Variants in ATP2C2 observed in about 807,000 individuals in gnomAD.
The protein encoded by ATP2C2 is calcium-transporting ATPase type 2C member 2.
A neutral mutation model predicts 110.8 loss-of-function variants in ATP2C2; 171 were observed. The ratio of observed to expected loss-of-function variants is 1.54; its 90% CI spans 1.36 to 1.75. ATP2C2 has a LOEUF of 1.75. Among genes scored for constraint, ATP2C2 ranks in the 40% most tolerant of loss-of-function variants. The probability of loss-of-function intolerance (pLI) is 0.00; values close to 1 mark genes in which losing one functional copy is unlikely to be tolerated. For missense variants in ATP2C2, 1,963 were observed against 1,235.0 expected (o/e 1.59, Z -8.84); for synonymous variants, 804 against 508.4 (o/e 1.58, Z -7.82).
Position 84,405,140 on chromosome 16 carries a change from A to G in ATP2C2, c.223A>G (p.Thr75Ala), listed in dbSNP as rs1303236226. Reference sequence around the variant, plus strand: ...CCTCTCCTTCCAGGTGGACTTACACACTGGGCTGTCGGAGTTCTCGGTGAC... The same window carrying G: ...CCTCTCCTTCCAGGTGGACTTACACGCTGGGCTGTCGGAGTTCTCGGTGAC... Reference protein sequence around the residue: ...LARAFCVDLHTGLSEFSVTQR... With the variant: ...LARAFCVDLHAGLSEFSVTQR... The change falls in exon 3 of 27, where the codon ACT becomes GCT. Residue 75 changes from threonine (T) to alanine (A), a missense_variant. Coordinates refer to ENST00000262429, the MANE Select transcript of ATP2C2 (RefSeq NM_014861.4). 6.2e-6 allele frequency: 10 copies of G among 1,609,488 alleles called. No individual in the cohort carries two copies. Among genetic ancestry groups the G allele is most frequent in the Middle Eastern group, 1.6e-4 (1 of 6,082 alleles).
Position 84,391,132 on chromosome 16 carries a change from A to AAG in ATP2C2, c.100-7366_100-7365insGA, listed in dbSNP as rs1555552677. Among the ~76,000 whole-genome samples, 124 of 149,560 alleles carry AAG rather than the reference A, an allele frequency of 8.3e-4. 1 individual carries two copies. The highest frequency in any genetic ancestry group is 1.3e-3 in the South Asian group (6 of 4,696). On this transcript the variant is annotated intron_variant, in intron 1 of 26. Transcript: ENST00000262429. ...CAGACTCAAAAAAAAAAAAAAAAAA[A>AAG]AAGAAGAAGAAGAAGGGAAGGTTTG...
At chr16:84,391,370 A>G (rs1353235700) in intron 1 of ATP2C2, among the ~76,000 whole-genome samples, 1 of 152,198 alleles carries the variant, frequency 6.6e-6, no homozygotes, top group African/African-American at 2.4e-5. Flanking sequence ...ACGCACATAC[A>G]TGCTGTTATG....
At position 84,459,270 on chromosome 16, in the gene ATP2C2, G is replaced by A. The variant is rs1426722906; in HGVS notation, c.2217G>A (p.Thr739=). 6 of 1,614,102 alleles carry A rather than the reference G, an allele frequency of 3.7e-6. No homozygotes were observed. The highest frequency in any genetic ancestry group is 1.7e-5 in the Admixed American group (1 of 60,010). The change falls in exon 23 of 27, where the codon ACG becomes ACA. Residue 739 remains threonine, a splice_region_variant and synonymous_variant. Coordinates refer to ENST00000262429, the MANE Select transcript of ATP2C2 (RefSeq NM_014861.4). Reference sequence around the variant, plus strand: ...CTGACTGGCTGCGTGTGCCCCGCAGGAGCATCTCCGCCCTGAGTCTCATCA... The same window carrying A: ...CTGACTGGCTGCGTGTGCCCCGCAGAAGCATCTCCGCCCTGAGTCTCATCA... ...IKNFVRFQLS[T]SISALSLITL...
intron 2 of ATP2C2, among the ~76,000 whole-genome samples, chr16:84,400,363 G>T (rs1375946850): frequency 7.0e-6 from 1 of 143,724 alleles, no homozygotes; most frequent in Non-Finnish European, 1.5e-5. Context: ...GTCTCACTCT[G>T]TCACCCAAGC....
chr16:84,462,828 C>T, intron 26 of ATP2C2: 1 of 153,006 alleles, frequency 6.5e-6, no homozygotes, highest in African/African-American at 2.4e-5. Context: ...CACCGCCTCC[C>T]CGCCGGCAGG....
At chr16:84,411,241 C>T (rs1906259475) in intron 6 of ATP2C2, among the ~76,000 whole-genome samples, 1 of 152,172 alleles carries the variant, frequency 6.6e-6, no homozygotes, top group Non-Finnish European at 1.5e-5. Flanking sequence ...TCAGCAGCTG[C>T]AACAGCCTCT....
At chr16:84,390,581 C>G (rs575339039) in intron 1 of ATP2C2, among the ~76,000 whole-genome samples, 2 of 152,128 alleles carry the variant, frequency 1.3e-5, no homozygotes, top group Admixed American at 1.3e-4. Flanking sequence ...GGGACCGTGA[C>G]GTCCATAGAG....
rs184841853 is a variant in ATP2C2, at chr16:84,374,431, G to T, written c.99+5717G>T. ...TGTAAGTTGCCCCCCACCCCGAAAG[G>T]TCTGTGTTGATCAGACAGTCATTGA... On this transcript the variant is annotated intron_variant, in intron 1 of 26. Coordinates refer to ENST00000262429, the MANE Select transcript of ATP2C2 (RefSeq NM_014861.4). 2.2e-4 allele frequency among the ~76,000 whole-genome samples: 33 copies of T among 152,280 alleles called. No homozygotes were observed. In the East Asian group the frequency reaches 5.6e-3, roughly 26 times the overall value.
intron 15 of ATP2C2, among the ~76,000 whole-genome samples, chr16:84,444,565 T>C (rs576933565): frequency 6.6e-6 from 1 of 152,196 alleles, no homozygotes; most frequent in Admixed American, 6.5e-5. Flanking sequence ...TGAATGGAGC[T>C]CATTTCCCGT....
At chr16:84,396,223 C>CGTGTGTGT (rs10571889) in intron 1 of ATP2C2, among the ~76,000 whole-genome samples, 13 of 150,608 alleles carry the variant, frequency 8.6e-5, no homozygotes, top group African/African-American at 2.9e-4. Context: ...AAGCATCGGG[C>CGTGTGTGT]GTGTGTGTGT....
intron 15 of ATP2C2, among the ~76,000 whole-genome samples, chr16:84,443,256 C>G (rs545663544): frequency 6.6e-6 from 1 of 152,152 alleles, no homozygotes; most frequent in South Asian, 2.1e-4. Flanking sequence ...GAGGAGGGAG[C>G]AAAGGAAGGA....
intron 24 of ATP2C2, 36 bp downstream of exon 24, chr16:84,460,837 C>T (rs1441830281): frequency 1.3e-6 from 2 of 1,588,560 alleles, no homozygotes; most frequent in Non-Finnish European, 8.6e-7. Flanking sequence ...TCTCCAAGCC[C>T]TGGTGCGGTG....
Position 84,460,635 on chromosome 16 carries a change from TG to T in ATP2C2, c.2334-18del. On this transcript the variant is annotated intron_variant, in intron 23 of 26. Transcript: ENST00000262429. ...CATTCCTGGTTCATTTCAAAGTGTCTGTGTCTTGTTCGGAGCAGCTTGGGGG... is the reference window on the plus strand; with the variant it reads ...CATTCCTGGTTCATTTCAAAGTGTCTTGTCTTGTTCGGAGCAGCTTGGGGG... 1 of 1,614,166 alleles carries T rather than the reference TG, an allele frequency of 6.2e-7. No homozygotes were observed. The highest frequency in any genetic ancestry group is 1.1e-5 in the South Asian group (1 of 91,088).
intron 3 of ATP2C2, among the ~76,000 whole-genome samples, chr16:84,405,533 G>A (rs888470836): frequency 2.0e-5 from 3 of 152,152 alleles, no homozygotes; most frequent in African/African-American, 4.8e-5. Context: ...TCCTAATCCC[G>A]CCTTTGCACA....
At position 84,410,763 on chromosome 16, in the gene ATP2C2, C is replaced by G. The variant is rs369344183; in HGVS notation, c.513C>G (p.Asn171Lys). ...CCAAGCTGGTTCCTCCAGAATGTAA[C>G]TGGTAAGTCAGAGCCTCCCTGGGAC... is the stretch of plus-strand genomic sequence containing the variant. ...ELTKLVPPECNCLREGKLQHL... is the reference protein window; with the variant it reads ...ELTKLVPPECKCLREGKLQHL... The change falls in exon 6 of 27, where the codon AAC becomes AAG. Residue 171 changes from asparagine to lysine, a missense_variant and splice_region_variant. By Grantham distance (94) the Asn-to-Lys change is moderately conservative. Transcript: ENST00000262429. The G allele has an allele frequency of 6.2e-7, 1 of 1,613,946 alleles. No homozygotes were observed. Among genetic ancestry groups the G allele is most frequent in the South Asian group, 1.1e-5 (1 of 91,080 alleles).
chr16:84,428,022 C>G (rs1031229134), intron 11 of ATP2C2, among the ~76,000 whole-genome samples: 1 of 152,184 alleles, frequency 6.6e-6, no homozygotes, highest in South Asian at 2.1e-4. Flanking sequence ...GTCCTCGGAG[C>G]CTTTCTAATT....
intron 2 of ATP2C2, among the ~76,000 whole-genome samples, chr16:84,404,125 G>A (rs893381840): frequency 1.3e-5 from 2 of 152,194 alleles, no homozygotes; most frequent in Admixed American, 6.5e-5. Context: ...CCACTCTCCA[G>A]GAATATCCCC....
chr16:84,431,797 G>A (rs1327021754), intron 11 of ATP2C2, among the ~76,000 whole-genome samples: 2 of 152,144 alleles, frequency 1.3e-5, no homozygotes, highest in African/African-American at 4.8e-5. Flanking sequence ...GGCTGTCTCT[G>A]TGACACTTTG....
At chr16:84,413,396 CAAG>C (rs1465826895) in intron 6 of ATP2C2, among the ~76,000 whole-genome samples, 4 of 151,992 alleles carry the variant, frequency 2.6e-5, no homozygotes, top group Non-Finnish European at 5.9e-5. Flanking sequence ...CAAATAGGGA[CAAG>C]AAGAGGATGA....
Sources: allele counts gnomAD v4.1 joint callset (sites outside exome capture counted in the v4.1 genomes callset), GRCh38; gene constraint gnomAD v4.1.1; transcripts MANE v1.5; gene names NCBI Gene and HGNC (gene_info 2026-07-23, HGNC 2026-07-21).